The following TAS2R1 variants were observed in gnomAD, a reference collection of about 807,000 sequenced individuals.
TAS2R1 encodes the protein taste receptor type 2 member 1.
For synonymous variants in TAS2R1, 141 were observed against 134.2 expected (o/e 1.05, Z -0.35); for missense variants, 370 against 353.4 (o/e 1.05, Z -0.38).
the TAS2R1 span, among the ~76,000 whole-genome samples, chr5:9,864,472 A>C: frequency 6.7e-6 from 1 of 148,464 alleles, no homozygotes; most frequent in Non-Finnish European, 1.5e-5. Flanking sequence ...TCTCAAAACT[A>C]CAAAAAAAAA....
chr5:9,734,723 A>C, the TAS2R1 span, among the ~76,000 whole-genome samples: 3 of 152,142 alleles, frequency 2.0e-5, no homozygotes, highest in African/African-American at 7.2e-5. Flanking sequence ...TATAGATGAG[A>C]AACTAAGACA....
Position 9,630,173 on chromosome 5 carries a change from TGTA to T in TAS2R1, c.-144_-142del, listed in dbSNP as rs1463269109. The T allele has an allele frequency of 1.6e-6, 1 of 644,892 alleles. No individual in the cohort carries two copies. Among genetic ancestry groups the T allele is most frequent in the Non-Finnish European group, 2.5e-6 (1 of 396,762 alleles). 39.9% of individuals were successfully genotyped at this position (644,892 alleles called of 1,614,324 possible). ...ATAAAGGCATGGGGCAGGAAGGTGG[TGTA>T]CATTTGTTTATGTCACTGCTTTCTC... On this transcript the variant is annotated 5_prime_UTR_variant, in exon 1 of 1. Transcript: ENST00000382492.
At chr5:9,756,234 C>T in the TAS2R1 span, among the ~76,000 whole-genome samples, 1 of 152,164 alleles carries the variant, frequency 6.6e-6, no homozygotes, top group East Asian at 1.9e-4. Flanking sequence ...TGGCCTGTAC[C>T]TTACGCGAGA....
At chr5:9,839,075 T>C in the TAS2R1 span, among the ~76,000 whole-genome samples, 1 of 152,208 alleles carries the variant, frequency 6.6e-6, no homozygotes, top group Admixed American at 6.5e-5. Context: ...CGAGCAGGTC[T>C]CTGTTATCAC....
chr5:9,842,696 G>A, the TAS2R1 span, among the ~76,000 whole-genome samples: 537 of 152,130 alleles, frequency 3.5e-3, 3 homozygotes, highest in African/African-American at 0.012. Flanking sequence ...GTTTTTACAA[G>A]TTTCTATCTC....
chr5:9,817,237 C>A, the TAS2R1 span, among the ~76,000 whole-genome samples: 1 of 152,154 alleles, frequency 6.6e-6, no homozygotes, highest in East Asian at 1.9e-4. Context: ...AAAAGATACC[C>A]CTAACTGAAA....
chr5:9,759,371 C>T, the TAS2R1 span, among the ~76,000 whole-genome samples: 1 of 152,102 alleles, frequency 6.6e-6, no homozygotes, highest in African/African-American at 2.4e-5. Context: ...GAGGGCCTTT[C>T]CAGCTCCAAA....
upstream of TAS2R1, among the ~76,000 whole-genome samples, chr5:9,716,603 C>A (rs577499735): frequency 6.6e-6 from 1 of 151,980 alleles, no homozygotes; most frequent in Non-Finnish European, 1.5e-5. Context: ...CTCATAATCA[C>A]CCAAACCTAG....
At chr5:9,824,559 G>A in the TAS2R1 span, among the ~76,000 whole-genome samples, 52 of 152,250 alleles carry the variant, frequency 3.4e-4, no homozygotes, top group African/African-American at 9.1e-4. Flanking sequence ...GCTGTGGTCC[G>A]CCTATGGCTC....
At chr5:9,691,218 G>T (rs2126517897) in intron 1 of TAS2R1, among the ~76,000 whole-genome samples, 1 of 152,370 alleles carries the variant, frequency 6.6e-6, no homozygotes, top group Admixed American at 6.5e-5. Context: ...TAGACAGGGA[G>T]CAGAACACAA....
At chr5:9,775,675 T>C in the TAS2R1 span, among the ~76,000 whole-genome samples, 1 of 151,812 alleles carries the variant, frequency 6.6e-6, no homozygotes, top group African/African-American at 2.4e-5. Context: ...CAGGACTGGG[T>C]TCTTCCCTTC....
At chr5:9,717,673 T>G in the TAS2R1 span, among the ~76,000 whole-genome samples, 1 of 145,018 alleles carries the variant, frequency 6.9e-6, no homozygotes, top group South Asian at 2.2e-4. Flanking sequence ...AACAATAAAA[T>G]GTCAAGGAAA....
chr5:9,650,910 T>C (rs988104964), intron 2 of TAS2R1, among the ~76,000 whole-genome samples: 4 of 152,194 alleles, frequency 2.6e-5, no homozygotes, highest in African/African-American at 7.2e-5. Flanking sequence ...CAAATTTTTA[T>C]GGAATGAATG....
At chr5:9,856,650 T>C in the TAS2R1 span, among the ~76,000 whole-genome samples, 6 of 152,328 alleles carry the variant, frequency 3.9e-5, no homozygotes, top group Admixed American at 2.6e-4. Context: ...ATATTCTCTC[T>C]ATAGAGAAAA....
At chr5:9,811,658 A>G in the TAS2R1 span, among the ~76,000 whole-genome samples, 2 of 152,080 alleles carry the variant, frequency 1.3e-5, no homozygotes, top group African/African-American at 2.4e-5. Flanking sequence ...CTAGAAAATC[A>G]TATCTATTAC....
At chr5:9,868,370 C>A in the TAS2R1 span, among the ~76,000 whole-genome samples, 1 of 152,214 alleles carries the variant, frequency 6.6e-6, no homozygotes, top group Non-Finnish European at 1.5e-5. Flanking sequence ...GACTTCTGTG[C>A]ACTCTCAAAT....
upstream of TAS2R1, among the ~76,000 whole-genome samples, chr5:9,716,848 A>C (rs1428756391): frequency 2.0e-5 from 3 of 152,176 alleles, no homozygotes; most frequent in Non-Finnish European, 4.4e-5. Context: ...TTAGAAGACG[A>C]GGGTGAGCTA....
the TAS2R1 span, among the ~76,000 whole-genome samples, chr5:9,861,037 G>GTTTTTTTTTTTTTTTTTTTTTTTTT: frequency 3.1e-3 from 278 of 88,508 alleles, 21 homozygotes; most frequent in African/African-American, 8.7e-3. Flanking sequence ...GGAAGATGAG[G>GTTTTTTTTTTTTTTTTTTTTTTTTT]TTTTTTTTTT....
the TAS2R1 span, among the ~76,000 whole-genome samples, chr5:9,778,068 G>A: frequency 3.3e-5 from 5 of 152,076 alleles, no homozygotes; most frequent in African/African-American, 4.8e-5. Context: ...TTTTAGTAGA[G>A]ACAGGGTTTC....
Sources: gnomAD v4.1 joint callset for allele counts (sites outside exome capture counted in the v4.1 genomes callset) on GRCh38, gnomAD v4.1.1 for gene constraint, MANE v1.5 for transcripts, NCBI Gene and HGNC (gene_info 2026-07-23, HGNC 2026-07-21) for gene names.